ZDHHC21: variants seen among roughly 807,000 people sequenced by gnomAD.
ZDHHC21 encodes the protein palmitoyltransferase ZDHHC21.
ZDHHC21 carries 15 observed loss-of-function variants against 34.6 expected under a neutral mutation model. The ratio of observed to expected loss-of-function variants is 0.43; its 90% confidence interval spans 0.29 to 0.67. ZDHHC21 has a LOEUF of 0.67. Among genes scored for constraint, ZDHHC21 ranks in the 30% least tolerant of loss-of-function variants. ZDHHC21 has a pLI of 0.14. For synonymous variants in ZDHHC21, 142 were observed against 101.8 expected (o/e 1.40, Z -2.38); for missense variants, 344 against 327.7 (o/e 1.05, Z -0.38).
At chr9:14,639,473 T>C (rs953695988) in intron 8 of ZDHHC21, among the ~76,000 whole-genome samples, 2 of 152,102 alleles carry the variant, frequency 1.3e-5, no homozygotes, top group Non-Finnish European at 2.9e-5. Context: ...AGCAGCAATG[T>C]ATATTTTAAA....
intron 8 of ZDHHC21, among the ~76,000 whole-genome samples, chr9:14,622,954 G>A (rs7874535): frequency 0.76 from 115,996 of 151,894 alleles, 44,977 homozygotes; most frequent in African/African-American, 0.9. Context: ...TCTGCTACAC[G>A]TAGTTACCTA....
rs1161274875 is a variant in ZDHHC21, at chr9:14,619,004, G to A, written c.760C>T (p.Pro254Ser). 1.9e-6 allele frequency: 3 copies of A among 1,611,662 alleles called. No homozygotes were observed. In the Admixed American group the frequency reaches 5.0e-5, roughly 27 times the overall value. ...LWFIPFRQRQ[P>S]LRVPYHFANH... Reference sequence around the variant, plus strand: ...GCAAAGTGGTAGGGAACTCGCAGTGGTTGCCTCTGCCTGAAAGGAATGAAC... The same window carrying A: ...GCAAAGTGGTAGGGAACTCGCAGTGATTGCCTCTGCCTGAAAGGAATGAAC... The change falls in exon 10 of 10, where the codon CCA becomes TCA. Residue 254 changes from proline (P) to serine (S), a missense_variant. Pro to Ser is a moderately conservative substitution (Grantham distance 74). Transcript: ENST00000380916.
intron 2 of ZDHHC21, 88 bp from the exon 3 acceptor site, chr9:14,680,250 A>G (rs1213061488): frequency 6.6e-6 from 1 of 152,240 alleles, no homozygotes; most frequent in East Asian, 1.9e-4. Context: ...GCCAATGACA[A>G]ACGTCTTAAA....
intron 1 of ZDHHC21, among the ~76,000 whole-genome samples, chr9:14,690,943 G>A (rs1414364243): frequency 6.6e-6 from 1 of 152,030 alleles, no homozygotes; most frequent in Non-Finnish European, 1.5e-5. Flanking sequence ...TTGAATCTGA[G>A]CCCTAATGTT....
In ZDHHC21 at chr9:14,613,045, T is replaced by C. The variant is rs1258926297; in HGVS notation, c.*5921A>G. 2.0e-5 allele frequency: 3 copies of C among 151,888 alleles called. No individual in the cohort carries two copies. The highest frequency in any genetic ancestry group is 4.4e-5 in the Non-Finnish European group (3 of 67,858). The allele number at this position is 151,888 out of a possible 1,614,324, so 9.4% of individuals were successfully genotyped here. On this transcript the variant is annotated 3_prime_UTR_variant, in exon 10 of 10. Transcript: ENST00000380916. The stretch of plus-strand genomic sequence containing the variant: ...AAATAAAACAACTTGTGAAAAGTGC[T>C]TCAATTATCTTTTGTAATTTCAGCC...
chr9:14,685,727 T>A (rs564948930), intron 2 of ZDHHC21, among the ~76,000 whole-genome samples: 392 of 152,308 alleles, frequency 2.6e-3, no homozygotes, highest in African/African-American at 8.5e-3. Flanking sequence ...GGATTACAAA[T>A]CATGCTGCTA....
chr9:14,629,058 G>C (rs1486970917), intron 8 of ZDHHC21, among the ~76,000 whole-genome samples: 1 of 152,154 alleles, frequency 6.6e-6, no homozygotes, highest in African/African-American at 2.4e-5. Context: ...TCGTATTCAA[G>C]AGAAAGTAAA....
chr9:14,611,460 G>A lies in ZDHHC21; in HGVS notation c.*7506C>T, dbSNP rs966783244. ...TTTCTTCAAATTCTCTTAGGGGAAA[G>A]ACAAGGTAAAAATAATAGACAATGC... is the stretch of plus-strand genomic sequence containing the variant. On this transcript the variant is annotated 3_prime_UTR_variant, in exon 10 of 10. Coordinates refer to ENST00000380916, the MANE Select transcript of ZDHHC21 (RefSeq NM_178566.6). 6.6e-6 allele frequency: 1 copy of A among 151,924 alleles called. No homozygotes were observed. Among genetic ancestry groups the A allele is most frequent in the Admixed American group, 6.6e-5 (1 of 15,200 alleles). 9.4% of individuals were successfully genotyped at this position (151,924 alleles called of 1,614,324 possible).
At chr9:14,688,916 T>C (rs557014540) in intron 2 of ZDHHC21, among the ~76,000 whole-genome samples, 1 of 151,964 alleles carries the variant, frequency 6.6e-6, no homozygotes, top group African/African-American at 2.4e-5. Context: ...TGGTGGCACA[T>C]GCCTGTAGTC....
At chr9:14,663,407 C>G (rs1217514666) in intron 5 of ZDHHC21, among the ~76,000 whole-genome samples, 1 of 148,574 alleles carries the variant, frequency 6.7e-6, no homozygotes, top group East Asian at 2.0e-4. Context: ...TATGAAAAGT[C>G]TAAAATCAAA....
chr9:14,681,913 A>G (rs138870872), intron 2 of ZDHHC21, among the ~76,000 whole-genome samples: 119 of 152,314 alleles, frequency 7.8e-4, no homozygotes, highest in Non-Finnish European at 1.4e-3. Flanking sequence ...AGGATTTTCA[A>G]CCCAGAATTT....
chr9:14,688,328 G>A lies in ZDHHC21; in HGVS notation c.-176+2009C>T, dbSNP rs531911849. Among the ~76,000 whole-genome samples the A allele has an allele frequency of 2.0e-5, 3 of 150,980 alleles. No individual in the cohort carries two copies. The South Asian group carries it at 6.2e-4, about 31-fold the overall frequency. Reference sequence around the variant, plus strand: ...GCTAACTTTACAGGGGAGCGAAGGAGAGAGCAGAGGAAGGGAAAGTGAAAG... The same window carrying A: ...GCTAACTTTACAGGGGAGCGAAGGAAAGAGCAGAGGAAGGGAAAGTGAAAG... On this transcript the variant is annotated intron_variant, in intron 2 of 9. Transcript: ENST00000380916.
In ZDHHC21 at chr9:14,619,108, A is replaced by G. The variant is rs1327739782; in HGVS notation, c.666-10T>C. The G allele has an allele frequency of 6.3e-7, 1 of 1,596,732 alleles. No homozygotes were observed. The highest frequency in any genetic ancestry group is 1.7e-5 in the Admixed American group (1 of 58,160). On this transcript the variant is annotated splice_polypyrimidine_tract_variant and intron_variant, in intron 9 of 9. Transcript: ENST00000380916. ...CTTTCGGGGCCTCGATCTACAGAAG[A>G]CAGCATTATTAGTGAAAGACAGCAC...
chr9:14,606,897 T>C (rs1564156148), downstream of ZDHHC21, among the ~76,000 whole-genome samples: 1 of 152,222 alleles, frequency 6.6e-6, no homozygotes, highest in Non-Finnish European at 1.5e-5. Flanking sequence ...TAAAGATTAA[T>C]AGTATTCATG....
At chr9:14,689,501 T>C (rs1026786422) in intron 2 of ZDHHC21, among the ~76,000 whole-genome samples, 1 of 152,226 alleles carries the variant, frequency 6.6e-6, no homozygotes, top group African/African-American at 2.4e-5. Flanking sequence ...ACTAAGTCTT[T>C]AAATTACATT....
chr9:14,610,055 CAT>C (rs34346884), downstream of ZDHHC21, among the ~76,000 whole-genome samples: 53,723 of 151,676 alleles, frequency 0.35, 9,840 homozygotes, highest in Middle Eastern at 0.43. Context: ...TTTATGTTAA[CAT>C]GTAATGAGTT....
At chr9:14,682,721 C>A (rs554661811) in intron 2 of ZDHHC21, among the ~76,000 whole-genome samples, 1 of 152,324 alleles carries the variant, frequency 6.6e-6, no homozygotes, top group East Asian at 1.9e-4. Context: ...CACCTCAAAT[C>A]AACAGAATAT....
At chr9:14,648,285 T>C (rs1346450114) in intron 7 of ZDHHC21, among the ~76,000 whole-genome samples, 1 of 151,484 alleles carries the variant, frequency 6.6e-6, no homozygotes, top group Non-Finnish European at 1.5e-5. Flanking sequence ...TTCTTGCTAT[T>C]ATCCTTGTCC....
chr9:14,642,746 G>C (rs1196204051), intron 7 of ZDHHC21, among the ~76,000 whole-genome samples: 1 of 152,178 alleles, frequency 6.6e-6, no homozygotes, highest in Non-Finnish European at 1.5e-5. Context: ...CCTGATCTTG[G>C]AGTTGTAGCC....
Sources: gnomAD v4.1 joint callset for allele counts (sites outside exome capture counted in the v4.1 genomes callset) on GRCh38, gnomAD v4.1.1 for gene constraint, MANE v1.5 for transcripts, NCBI Gene and HGNC (gene_info 2026-07-23, HGNC 2026-07-21) for gene names.